ITGAX: variants seen among roughly 807,000 people sequenced by gnomAD.
ITGAX encodes integrin subunit alpha X, also known as integrin alpha-X.
In ITGAX, 99 loss-of-function variants were observed where a neutral mutation model predicts 140.2. That is an observed-to-expected ratio of 0.71 (90% CI 0.60 to 0.83). ITGAX has a LOEUF of 0.83. Among genes scored for constraint, ITGAX ranks in the 40% least tolerant of loss-of-function variants. ITGAX has a pLI of 0.00. For synonymous variants in ITGAX, 631 were observed against 600.4 expected (o/e 1.05, Z -0.75); for missense variants, 1,444 against 1,482.0 (o/e 0.97, Z 0.42).
chr16:31,370,630 G>A (rs544460339), intron 14 of ITGAX, among the ~76,000 whole-genome samples: 5 of 152,256 alleles, frequency 3.3e-5, no homozygotes, highest in African/African-American at 9.6e-5. Context: ...GTCCCTTTCA[G>A]CCTTAATACT....
intron 14 of ITGAX, among the ~76,000 whole-genome samples, chr16:31,363,898 C>G (rs551210145): frequency 6.6e-6 from 1 of 152,174 alleles, no homozygotes; most frequent in Admixed American, 6.5e-5. Flanking sequence ...ACCTCTAACC[C>G]GGTGTGCAGT....
chr16:31,379,819 G>A lies in ITGAX; in HGVS notation c.2931G>A (p.Leu977=). The change falls in exon 25 of 30, where the codon CTG becomes CTA. Residue 977 remains leucine, a synonymous_variant. Coordinates refer to ENST00000268296, the MANE Select transcript of ITGAX (RefSeq NM_000887.5). ...TCAACTTCTGGGTGCCTGTGGAGCTGAACCAGGAGGCTGTGTGGATGGATG... is the reference window on the plus strand; with the variant it reads ...TCAACTTCTGGGTGCCTGTGGAGCTAAACCAGGAGGCTGTGTGGATGGATG... ...VSINFWVPVE[L]NQEAVWMDVE... 6.2e-7 allele frequency: 1 copy of A among 1,614,190 alleles called. No homozygotes were observed. The highest frequency in any genetic ancestry group is 8.5e-7 in the Non-Finnish European group (1 of 1,180,036).
chr16:31,363,509 T>C (rs1275309380), intron 14 of ITGAX, 135 bp downstream of exon 14: 1 of 984,526 alleles, frequency 1.0e-6, no homozygotes, highest in African/African-American at 1.6e-5. Context: ...AGCAGTGGCG[T>C]GGTCTCAGCT....
Position 31,363,247 on chromosome 16 carries a change from T to C in ITGAX, c.1583T>C (p.Leu528Pro), listed in dbSNP as rs763084410. The change falls in exon 14 of 30, where the codon CTG becomes CCG. Residue 528 changes from leucine (L) to proline (P), a missense_variant. Coordinates refer to ENST00000268296, the MANE Select transcript of ITGAX (RefSeq NM_000887.5). ...CGCTTTGGGGCGGCTCTGACAGTGC[T>C]GGGGGATGTGAATGGGGACAAGCTG... ...WGRFGAALTV[L>P]GDVNGDKLTD... The C allele has an allele frequency of 1.9e-6, 3 of 1,613,750 alleles. No individual in the cohort carries two copies. The highest frequency in any genetic ancestry group is 2.5e-6 in the Non-Finnish European group (3 of 1,179,874).
chr16:31,368,955 A>G (rs2080922127), intron 14 of ITGAX, among the ~76,000 whole-genome samples: 1 of 152,248 alleles, frequency 6.6e-6, no homozygotes. Flanking sequence ...ATCCCAAGGC[A>G]GAAGAATTTT....
chr16:31,357,421 C>T (rs2080775936), intron 5 of ITGAX, 57 bp downstream of exon 5: 5 of 1,156,148 alleles, frequency 4.3e-6, no homozygotes, highest in Non-Finnish European at 6.3e-6. Flanking sequence ...ATTGGGGGTG[C>T]GGTGGGCTAG....
intron 17 of ITGAX, 104 bp downstream of exon 17, chr16:31,371,888 C>T: frequency 7.3e-7 from 1 of 1,373,092 alleles, no homozygotes; most frequent in Admixed American, 2.2e-5. Flanking sequence ...CTCAGCCCAG[C>T]ACAGGACCAG....
intron 5 of ITGAX, among the ~76,000 whole-genome samples, chr16:31,358,765 G>A (rs1230432464): frequency 2.0e-5 from 3 of 152,012 alleles, no homozygotes; most frequent in South Asian, 4.2e-4. Flanking sequence ...GGGTGGTGGA[G>A]GGGTAGGCCC....
At position 31,355,294 on chromosome 16, in the gene ITGAX, G is replaced by T. The variant is rs751766197; in HGVS notation, c.37+3G>T. On this transcript the variant is annotated splice_donor_region_variant and intron_variant, in intron 1 of 29. Coordinates refer to ENST00000268296, the MANE Select transcript of ITGAX (RefSeq NM_000887.5). ...GGCAGCACTCCTCCTGTTCACAGGT[G>T]AGCCTGGACCCCAATGAAGTAGGGC... The T allele has an allele frequency of 7.1e-5, 114 of 1,613,688 alleles. No homozygotes were observed. Among genetic ancestry groups the T allele is most frequent in the Middle Eastern group, 3.3e-4 (2 of 6,082 alleles).
intron 14 of ITGAX, among the ~76,000 whole-genome samples, chr16:31,367,107 T>C (rs990529032): frequency 1.3e-5 from 2 of 152,166 alleles, no homozygotes; most frequent in Non-Finnish European, 2.9e-5. Flanking sequence ...GTCCGAATGC[T>C]CTTCAGTTCT....
At position 31,371,399 on chromosome 16, in the gene ITGAX, C is replaced by A; in HGVS notation, c.1907C>A (p.Ala636Glu). The change falls in exon 16 of 30, where the codon GCG becomes GAG. Residue 636 changes from alanine to glutamate, a missense_variant. Ala to Glu is a moderately radical substitution (Grantham distance 107). Coordinates refer to ENST00000268296, the MANE Select transcript of ITGAX (RefSeq NM_000887.5). ...QFIPAEIPRSAFECREQVVSE... is the reference protein window; with the variant it reads ...QFIPAEIPRSEFECREQVVSE... ...ATACCTGCCGAGATCCCCAGGTCTG[C>A]GTTTGAGTGTCGGGAGCAGGTGGTC... The A allele has an allele frequency of 6.2e-7, 1 of 1,614,220 alleles. No individual in the cohort carries two copies. The highest frequency in any genetic ancestry group is 8.5e-7 in the Non-Finnish European group (1 of 1,180,040).
At chr16:31,362,388 G>T in intron 11 of ITGAX, among the ~76,000 whole-genome samples, 184 bp downstream of exon 11, 1 of 101,300 alleles carries the variant, frequency 9.9e-6, no homozygotes, top group East Asian at 3.3e-4. Context: ...GATGGGGGCT[G>T]TGCTGCCTGG....
Position 31,373,233 on chromosome 16 carries a change from T to TTC in ITGAX, c.2367-15_2367-14dup, listed in dbSNP as rs1567305432. The stretch of plus-strand genomic sequence containing the variant: ...GTCACAGAATCATCTTCTCCTTTCC[T>TTC]TCACCTGATACCCAGCTTGAAGTCC... On this transcript the variant is annotated splice_polypyrimidine_tract_variant and intron_variant, in intron 19 of 29. Coordinates refer to ENST00000268296, the MANE Select transcript of ITGAX (RefSeq NM_000887.5). The TTC allele has an allele frequency of 6.5e-7, 1 of 1,537,808 alleles. No homozygotes were observed.
At chr16:31,369,323 C>G (rs1023204181) in intron 14 of ITGAX, among the ~76,000 whole-genome samples, 47 of 135,342 alleles carry the variant, frequency 3.5e-4, no homozygotes, top group African/African-American at 1.3e-3. Context: ...GACGGGGCAG[C>G]TGGCCGGGCA....
intron 3 of ITGAX, 50 bp from the exon 4 acceptor site, chr16:31,356,981 A>G: frequency 6.7e-7 from 1 of 1,502,370 alleles, no homozygotes; most frequent in Non-Finnish European, 9.0e-7. Flanking sequence ...GCTCTTCCAC[A>G]GCCTTCTCTG....
intron 11 of ITGAX, 87 bp downstream of exon 11, chr16:31,362,291 G>A (rs1489427897): frequency 9.6e-6 from 15 of 1,554,608 alleles, no homozygotes; most frequent in African/African-American, 5.6e-5. Context: ...TATGGGGGCT[G>A]TGCTGCCCAG....
In ITGAX at chr16:31,379,781, C is replaced by G; in HGVS notation, c.2893C>G (p.Leu965Val). 6.2e-7 allele frequency: 1 copy of G among 1,614,126 alleles called. No individual in the cohort carries two copies. The highest frequency in any genetic ancestry group is 8.5e-7 in the Non-Finnish European group (1 of 1,180,000). ...YQVNNLGQRD[L>V]PVSINFWVPV... ...GGTCAATAACCTGGGACAGAGGGAC[C>G]TGCCTGTCAGCATCAACTTCTGGGT... Residue 965 changes from leucine to valine, a missense_variant, in exon 25 of 30, where the codon CTG becomes GTG. Transcript: ENST00000268296.
intron 14 of ITGAX, among the ~76,000 whole-genome samples, chr16:31,368,366 C>T (rs2080913168): frequency 1.3e-5 from 2 of 151,390 alleles, no homozygotes; most frequent in African/African-American, 4.8e-5. Context: ...GGTGTGGTGG[C>T]AGATGTCTGT....
chr16:31,361,941 C>T (rs568929718), intron 10 of ITGAX, 32 bp downstream of exon 10: 281 of 1,613,472 alleles, frequency 1.7e-4, no homozygotes, highest in Non-Finnish European at 2.1e-4. Context: ...GATGATGTGC[C>T]GTGAGGGGAG....
Sources: gnomAD v4.1 joint callset for allele counts (sites outside exome capture counted in the v4.1 genomes callset) on GRCh38, gnomAD v4.1.1 for gene constraint, MANE v1.5 for transcripts, NCBI Gene and HGNC (gene_info 2026-07-23, HGNC 2026-07-21) for gene names.